APOH: variants seen among roughly 807,000 people sequenced by gnomAD.
The protein encoded by APOH is apolipoprotein H.
In APOH, 48 loss-of-function variants were observed where a neutral mutation model predicts 39.8. The observed-to-expected ratio is 1.21, with a 90% CI of 0.96 to 1.54. APOH has a LOEUF of 1.54. Among genes scored for constraint, APOH ranks in the 40% most tolerant of loss-of-function variants. The pLI, the probability that APOH is intolerant of heterozygous loss-of-function variation, is 0.00. For missense variants in APOH, 415 were observed against 421.2 expected, an observed-to-expected ratio of 0.99 and a Z score of 0.13; for synonymous variants, 153 against 151.1, an observed-to-expected ratio of 1.01 and a Z score of -0.09.
chr17:66,228,510 TTTAGTTATCAGCTGGGCGCAG>T (rs1289175165), intron 1 of APOH: 7 of 228,956 alleles, frequency 3.1e-5, no homozygotes, highest in Non-Finnish European at 5.2e-5. Flanking sequence ...CTAAAGAGAA[TTTAGTTATCAGCTGGGCGCAG>T]TTGCTCACAC....
intron 4 of APOH, among the ~76,000 whole-genome samples, chr17:66,221,390 A>AGGAAGGAG (rs1567740209): frequency 1.6e-5 from 1 of 61,138 alleles, no homozygotes; most frequent in African/African-American, 9.9e-5. Flanking sequence ...GGAGGAAGGA[A>AGGAAGGAG]GGAAGGAAGG....
chr17:66,221,500 C>T (rs1349094430), intron 4 of APOH, among the ~76,000 whole-genome samples: 1 of 151,862 alleles, frequency 6.6e-6, no homozygotes, highest in African/African-American at 2.4e-5. Flanking sequence ...CTTGCCACTG[C>T]CTTTTGCAAC....
chr17:66,214,563 A>G lies in APOH; in HGVS notation c.872T>C (p.Leu291Pro). Reference protein sequence around the residue: ...KIQEKFKNGMLHGDKVSFFCK... With the variant: ...KIQEKFKNGMPHGDKVSFFCK... Reference sequence around the variant, plus strand: ...GAAGAAAGAAACTTTATCACCATGTAGCATTCCATTCTTAAATTTTTCCTG... The same window carrying G: ...GAAGAAAGAAACTTTATCACCATGTGGCATTCCATTCTTAAATTTTTCCTG... Residue 291 changes from leucine (L) to proline (P), a missense_variant, in exon 7 of 8, where the codon CTA becomes CCA. Physicochemically the swap from Leu to Pro is moderately conservative, Grantham distance 98. Around this residue, in one of 3 missense-constraint regions of APOH, gnomAD observed 120 missense variants for 110.6 expected, o/e 1.08. Coordinates refer to ENST00000205948, the MANE Select transcript of APOH (RefSeq NM_000042.3). 6.2e-7 allele frequency: 1 copy of G among 1,614,074 alleles called. No homozygotes were observed. The highest frequency in any genetic ancestry group is 8.5e-7 in the Non-Finnish European group (1 of 1,179,954).
intron 3 of APOH, among the ~76,000 whole-genome samples, chr17:66,225,559 T>G (rs774786424): frequency 3.6e-4 from 55 of 152,218 alleles, no homozygotes; most frequent in Admixed American, 1.0e-3. Context: ...GTTCAATCAT[T>G]TTAATGTACC....
intron 1 of APOH, chr17:66,228,572 C>T (rs1475682504): frequency 1.2e-5 from 2 of 163,734 alleles, no homozygotes; most frequent in Non-Finnish European, 2.7e-5. Flanking sequence ...GAGGCTGAGG[C>T]GGGTGGATCA....
chr17:66,219,399 T>A (rs2073384200), intron 5 of APOH, among the ~76,000 whole-genome samples: 1 of 151,882 alleles, frequency 6.6e-6, no homozygotes, highest in Admixed American at 6.6e-5. Context: ...AGTTGATACG[T>A]CTAGGTGAAA....
intron 7 of APOH, 99 bp downstream of exon 7, chr17:66,214,353 CT>C (rs2073351843): frequency 1.2e-5 from 14 of 1,176,970 alleles, no homozygotes; most frequent in Non-Finnish European, 1.8e-5. Context: ...CCCACCGCAC[CT>C]GGCCTCATCT....
At chr17:66,224,515 G>A in intron 3 of APOH, among the ~76,000 whole-genome samples, 3 of 129,748 alleles carry the variant, frequency 2.3e-5, no homozygotes, top group African/African-American at 8.9e-5. Context: ...GGAAAGGAAG[G>A]AAAAAGTAAG....
At chr17:66,216,740 A>G (rs761997422) in intron 6 of APOH, 48 bp downstream of exon 6, 12 of 1,484,252 alleles carry the variant, frequency 8.1e-6, no homozygotes, top group Non-Finnish European at 9.9e-6. Flanking sequence ...AAGGTGATCC[A>G]CTGTATCAAT....
rs547709071 is a variant in APOH at position 66,215,602 on chromosome 17, A to T, written c.785-952T>A. On this transcript the variant is annotated intron_variant, in intron 6 of 7. Coordinates refer to ENST00000205948, the MANE Select transcript of APOH (RefSeq NM_000042.3). ...TTTGTCATCTTGCCTGCTGCCCCAGAGTTCCTCTTTCTGCTTAAACTGTCC... is the reference window on the plus strand; with the variant it reads ...TTTGTCATCTTGCCTGCTGCCCCAGTGTTCCTCTTTCTGCTTAAACTGTCC... 5.1e-4 allele frequency among the ~76,000 whole-genome samples: 77 copies of T among 152,338 alleles called. 2 individuals carry two copies. The South Asian group carries it at 0.015, about 30-fold the overall frequency.
At chr17:66,223,042 G>A (rs2073411924) in intron 4 of APOH, among the ~76,000 whole-genome samples, 1 of 152,168 alleles carries the variant, frequency 6.6e-6, no homozygotes, top group Non-Finnish European at 1.5e-5. Flanking sequence ...CTTGGCTGAG[G>A]ATCCTCTGAA....
chr17:66,226,822 T>C (rs924287534), intron 2 of APOH, among the ~76,000 whole-genome samples: 3 of 151,898 alleles, frequency 2.0e-5, no homozygotes, highest in African/African-American at 4.8e-5. Context: ...CAAAAAGATA[T>C]GCATGGAAAA....
chr17:66,229,137 A>G (rs777550994), intron 1 of APOH, among the ~76,000 whole-genome samples, 179 bp downstream of exon 1: 2 of 152,050 alleles, frequency 1.3e-5, no homozygotes, highest in Non-Finnish European at 2.9e-5. Flanking sequence ...GGGTTTCACC[A>G]TGTTGGCCAG....
Position 66,220,643 on chromosome 17 carries a change from A to G in APOH, c.515T>C (p.Phe172Ser). ...NNSLYRDTAV[F>S]ECLPQHAMFG... ...CATCGCATGTTGTGGCAAACATTCAAAAACTGCTGTGTCCCGATAGAGGGA... is the reference window on the plus strand; with the variant it reads ...CATCGCATGTTGTGGCAAACATTCAGAAACTGCTGTGTCCCGATAGAGGGA... Residue 172 changes from phenylalanine (F) to serine (S), a missense_variant, in exon 5 of 8, where the codon TTT (phenylalanine) becomes TCT (serine). Physicochemically the swap from Phe to Ser is radical, Grantham distance 155 (BLOSUM62 -2). Coordinates refer to ENST00000205948, the MANE Select transcript of APOH (RefSeq NM_000042.3). 1 of 1,614,238 alleles carries G rather than the reference A, an allele frequency of 6.2e-7. No individual in the cohort carries two copies. Among genetic ancestry groups the G allele is most frequent in the Non-Finnish European group, 8.5e-7 (1 of 1,180,048 alleles).
chr17:66,214,301 C>T lies in APOH; in HGVS notation c.982+152G>A, dbSNP rs578000148. On this transcript the variant is annotated intron_variant, in intron 7 of 7. Transcript: ENST00000205948. ...CTCAAACTCGTGACCTCAGGTGATC[C>T]ACCCGCCTCAGCCTCCCAAAGTGCT... 146 of 713,226 alleles carry T rather than the reference C, an allele frequency of 2.0e-4. 1 individual carries two copies. The African/African-American group carries it at 2.5e-3, about 12-fold the overall frequency. 44.2% of individuals were successfully genotyped at this position (713,226 alleles called of 1,614,324 possible).
chr17:66,229,359 G>A lies in APOH; in HGVS notation c.21C>T (p.Ile7=). MISPVL[I]LFSSFLCHVA... ...CATGGCAGAGAAAACTCGAGAACAA[G>A]ATGAGCACTGGAGAAATCATTGTGG... The change falls in exon 1 of 8, where the codon ATC becomes ATT. Residue 7 remains isoleucine, a synonymous_variant. Transcript: ENST00000205948. 6.2e-7 allele frequency: 1 copy of A among 1,613,880 alleles called. No individual in the cohort carries two copies. Among genetic ancestry groups the A allele is most frequent in the Non-Finnish European group, 8.5e-7 (1 of 1,179,844 alleles).
intron 5 of APOH, among the ~76,000 whole-genome samples, chr17:66,218,008 T>C (rs2073375779): frequency 1.3e-5 from 2 of 152,102 alleles, no homozygotes; most frequent in South Asian, 2.1e-4. Flanking sequence ...GGGAAAGCTC[T>C]TCTCTATAGA....
rs1801692 is a variant in APOH at position 66,226,046 on chromosome 17, C to T, written c.320G>A (p.Ser107Asn). ...TTCTTACCCAGTGTTACAAGAAAAA[C>T]TGATCGTGTTGGGATATTCAAAAGT... ...YTTFEYPNTI[S>N]FSCNTGFYLN... The change falls in exon 3 of 8, where the codon AGT becomes AAT. Residue 107 changes from serine (S) to asparagine (N), a missense_variant. Physicochemically the swap from Ser to Asn is conservative, Grantham distance 46. Transcript: ENST00000205948. 67,960 of 1,611,824 alleles carry T rather than the reference C, an allele frequency of 0.042. 1,557 individuals are homozygous for T. Among genetic ancestry groups the T allele is most frequent in the Middle Eastern group, 0.057 (346 of 6,056 alleles).
At chr17:66,218,141 A>C (rs2146993082) in intron 5 of APOH, among the ~76,000 whole-genome samples, 1 of 152,280 alleles carries the variant, frequency 6.6e-6, no homozygotes, top group East Asian at 1.9e-4. Flanking sequence ...ACTGCCCAAC[A>C]GTGGATATTC....
Sources: gnomAD v4.1 joint callset for allele counts (sites outside exome capture counted in the v4.1 genomes callset) on GRCh38, gnomAD v4.1.1 for gene constraint, gnomAD v4.1.1 regional missense constraint, MANE v1.5 for transcripts, NCBI Gene and HGNC (gene_info 2026-07-23, HGNC 2026-07-21) for gene names.